Variants in NXPH1 observed in about 807,000 individuals in gnomAD.
NXPH1 encodes neurexophilin-1.
Under a neutral mutation model 23.7 loss-of-function variants are expected in NXPH1, and 5 were observed. The observed-to-expected ratio is 0.21, with a 90% confidence interval of 0.11 to 0.44. The LOEUF (loss-of-function observed/expected upper bound fraction) is 0.44. Ranked by LOEUF, NXPH1 falls within the 20% of genes least tolerant of loss-of-function variation. The pLI, the probability that NXPH1 is intolerant of heterozygous loss-of-function variation, is 0.99. For missense variants in NXPH1, 324 were observed against 321.6 expected (o/e 1.01, Z -0.06); for synonymous variants, 144 against 122.2 (o/e 1.18, Z -1.18).
intron 2 of NXPH1, among the ~76,000 whole-genome samples, chr7:8,706,971 C>A (rs1366674197): frequency 1.3e-5 from 2 of 152,128 alleles, no homozygotes; most frequent in Non-Finnish European, 2.9e-5. Flanking sequence ...ACGATGAATA[C>A]ACGAAAATTG....
In NXPH1 at chr7:8,435,507, G is replaced by GT. The variant is rs1421183002; in HGVS notation, c.-110-96dup. 167 of 549,636 alleles carry GT rather than the reference G, an allele frequency of 3.0e-4. No individual in the cohort carries two copies. The African/African-American group carries it at 3.1e-3, about 10-fold the overall frequency. The allele number at this position is 549,636 out of a possible 1,614,324, so 34.0% of individuals were successfully genotyped here. ...GTACCCTCCCTCCCTTTTTTTTTTG[G>GT]TCCCCCACTCCCCGCTACGACCCCC... is the stretch of plus-strand genomic sequence containing the variant. On this transcript the variant is annotated intron_variant, in intron 1 of 2. Coordinates refer to ENST00000405863, the MANE Select transcript of NXPH1 (RefSeq NM_152745.3). The surrounding 1 kb of genome is among the most constrained non-coding windows in gnomAD (Gnocchi z 5.9).
intron 2 of NXPH1, among the ~76,000 whole-genome samples, chr7:8,550,869 AATTT>A (rs1241996556): frequency 1.3e-5 from 2 of 151,506 alleles, no homozygotes; most frequent in Non-Finnish European, 3.0e-5. Context: ...ATTGTACCAT[AATTT>A]ATTCTACATG....
At chr7:8,562,722 T>C (rs1184243951) in intron 2 of NXPH1, among the ~76,000 whole-genome samples, 1 of 151,704 alleles carries the variant, frequency 6.6e-6, no homozygotes, top group African/African-American at 2.4e-5. Flanking sequence ...ATGGATAATG[T>C]TTAATATAAA....
intron 2 of NXPH1, among the ~76,000 whole-genome samples, chr7:8,745,859 C>G (rs569095543): frequency 6.7e-6 from 1 of 150,062 alleles, no homozygotes. Context: ...GAGCTACTGT[C>G]CCCGGCCCTG....
intron 2 of NXPH1, among the ~76,000 whole-genome samples, chr7:8,556,514 T>G (rs1407817202): frequency 6.6e-6 from 1 of 151,648 alleles, no homozygotes; most frequent in Non-Finnish European, 1.5e-5. Flanking sequence ...TGTGCTTTCT[T>G]ACAGAGTGAT....
intron 2 of NXPH1, among the ~76,000 whole-genome samples, chr7:8,670,404 A>G (rs1199912423): frequency 6.6e-6 from 1 of 152,238 alleles, no homozygotes; most frequent in Non-Finnish European, 1.5e-5. Flanking sequence ...TTTACCAAAG[A>G]TTATATAAAA....
intron 2 of NXPH1, among the ~76,000 whole-genome samples, chr7:8,549,225 T>C (rs540772146): frequency 2.0e-4 from 30 of 151,672 alleles, no homozygotes; most frequent in South Asian, 8.3e-4. Context: ...GAGTCTCTTA[T>C]CAAATGTGGC....
chr7:8,679,114 A>AT lies in NXPH1; in HGVS notation c.55-71888dup, dbSNP rs745433331. On this transcript the variant is annotated intron_variant, in intron 2 of 2. Transcript: ENST00000405863. ...AGGCGCCCACCACCACGCCCGGCTA[A>AT]TTTTTTGTATTTTTAGTAGAGACGG... Among the ~76,000 whole-genome samples, 5 of 151,124 alleles carry AT rather than the reference A, an allele frequency of 3.3e-5. No individual in the cohort carries two copies. The South Asian group carries it at 8.4e-4, about 25-fold the overall frequency.
chr7:8,617,901 T>C (rs1335565352), intron 2 of NXPH1, among the ~76,000 whole-genome samples: 4 of 152,146 alleles, frequency 2.6e-5, no homozygotes, highest in African/African-American at 7.2e-5. Context: ...AAATATCTCA[T>C]GTACTCCCAT....
At chr7:8,447,440 C>A (rs920634843) in intron 2 of NXPH1, among the ~76,000 whole-genome samples, 1 of 152,200 alleles carries the variant, frequency 6.6e-6, no homozygotes, top group African/African-American at 2.4e-5. Context: ...TTTTGCAGAA[C>A]ATGGCAGAGT....
intron 2 of NXPH1, among the ~76,000 whole-genome samples, chr7:8,601,854 G>A (rs1583184746): frequency 1.3e-5 from 2 of 152,180 alleles, no homozygotes; most frequent in South Asian, 4.1e-4. Context: ...TCGGTAAAAT[G>A]CCATCATTTG....
chr7:8,626,263 G>T (rs995665142), intron 2 of NXPH1, among the ~76,000 whole-genome samples: 2 of 151,934 alleles, frequency 1.3e-5, no homozygotes, highest in African/African-American at 4.8e-5. Flanking sequence ...AAGCATGGTT[G>T]GATATACATC....
chr7:8,435,563 G>T lies in NXPH1; in HGVS notation c.-110-41G>T. 3 of 675,204 alleles carry T rather than the reference G, an allele frequency of 4.4e-6. No homozygotes were observed. The highest frequency in any genetic ancestry group is 2.2e-5 in the Admixed American group (1 of 46,128). The allele number at this position is 675,204 out of a possible 1,614,324, so 41.8% of individuals were successfully genotyped here. The stretch of plus-strand genomic sequence containing the variant: ...CCGCTTGATTGTCAAGCCTAACCTT[G>T]CCCGCGTAGTCATGGGATGTCTAAT... On this transcript the variant is annotated intron_variant, in intron 1 of 2. Transcript: ENST00000405863. This position sits in a 1 kb window ranked among gnomAD's most constrained non-coding sequence, Gnocchi z 5.9.
chr7:8,743,450 A>G (rs923558266), intron 2 of NXPH1, among the ~76,000 whole-genome samples: 1 of 152,144 alleles, frequency 6.6e-6, no homozygotes, highest in Non-Finnish European at 1.5e-5. Flanking sequence ...TATATAAAGA[A>G]GTAAACATTT....
intron 2 of NXPH1, among the ~76,000 whole-genome samples, chr7:8,691,449 CT>C (rs1375459831): frequency 7.2e-5 from 11 of 152,106 alleles, no homozygotes; most frequent in Non-Finnish European, 1.6e-4. Flanking sequence ...GTATCCTGCC[CT>C]TTCTAGAACT....
chr7:8,650,329 A>G (rs1438683663), intron 2 of NXPH1, among the ~76,000 whole-genome samples: 1 of 152,242 alleles, frequency 6.6e-6, no homozygotes, highest in African/African-American at 2.4e-5. Context: ...ATATTCATCT[A>G]CATAGAAGAA....
intron 2 of NXPH1, among the ~76,000 whole-genome samples, chr7:8,733,265 A>G (rs559286372): frequency 9.2e-5 from 14 of 152,096 alleles, no homozygotes; most frequent in Admixed American, 3.3e-4. Flanking sequence ...CATTTTCTTT[A>G]TCCAGTCTAT....
chr7:8,719,002 C>T (rs1165913755), intron 2 of NXPH1, among the ~76,000 whole-genome samples: 2 of 152,090 alleles, frequency 1.3e-5, no homozygotes, highest in Non-Finnish European at 2.9e-5. Flanking sequence ...CAACAGAAGT[C>T]TATTTATCTG....
chr7:8,651,607 AT>A (rs1232412891), intron 2 of NXPH1, among the ~76,000 whole-genome samples: 1 of 152,164 alleles, frequency 6.6e-6, no homozygotes, highest in East Asian at 1.9e-4. Context: ...AAGTGTTCCT[AT>A]AATTTTAAGT....
Sources: gnomAD v4.1 joint callset for allele counts (sites outside exome capture counted in the v4.1 genomes callset) on GRCh38, gnomAD v4.1.1 for gene constraint, Gnocchi (gnomAD v3.1) non-coding constraint, MANE v1.5 for transcripts, NCBI Gene and HGNC (gene_info 2026-07-23, HGNC 2026-07-21) for gene names.